The following SLC9A9 variants were observed in gnomAD, a reference collection of about 807,000 sequenced individuals.
SLC9A9 encodes sodium/hydrogen exchanger 9.
In SLC9A9, 62 loss-of-function variants were observed where a neutral mutation model predicts 77.8. The ratio of observed to expected loss-of-function variants is 0.80; its 90% CI spans 0.65 to 0.98. The LOEUF (loss-of-function observed/expected upper bound fraction) is 0.98, where lower values mean the gene tolerates loss of function less well. Among genes scored for constraint, SLC9A9 ranks in the 50% least tolerant of loss-of-function variants. SLC9A9 has a pLI of 0.00. For synonymous variants in SLC9A9, 320 were observed against 283.5 expected (o/e 1.13, Z -1.29); for missense variants, 775 against 774.9 (o/e 1.00, Z 0.00).
At chr3:143,389,972 T>C (rs1348361728) in intron 12 of SLC9A9, among the ~76,000 whole-genome samples, 1 of 152,212 alleles carries the variant, frequency 6.6e-6, no homozygotes, top group Non-Finnish European at 1.5e-5. Flanking sequence ...GGGATGCTGC[T>C]GAGAGCAGTG....
At chr3:143,484,813 G>A (rs1483758062) in intron 11 of SLC9A9, among the ~76,000 whole-genome samples, 5 of 152,186 alleles carry the variant, frequency 3.3e-5, no homozygotes, top group African/African-American at 4.8e-5. Flanking sequence ...AAGAGATTGT[G>A]AGCAAGATAC....
chr3:143,407,828 G>A (rs2034011183), intron 12 of SLC9A9, among the ~76,000 whole-genome samples: 1 of 152,184 alleles, frequency 6.6e-6, no homozygotes, highest in Non-Finnish European at 1.5e-5. Context: ...ATTACCTGAG[G>A]ATCTTGTTAG....
intron 11 of SLC9A9, among the ~76,000 whole-genome samples, chr3:143,487,005 T>C (rs1235165951): frequency 1.3e-5 from 2 of 152,014 alleles, no homozygotes; most frequent in African/African-American, 2.4e-5. Flanking sequence ...TGAAAACATA[T>C]GATCCAGCTA....
At chr3:143,756,795 G>A (rs930072928) in intron 4 of SLC9A9, among the ~76,000 whole-genome samples, 11 of 152,108 alleles carry the variant, frequency 7.2e-5, no homozygotes, top group Admixed American at 7.2e-4. Context: ...TTTGACAATA[G>A]GAAGTACACA....
At chr3:143,731,185 C>T (rs1022849179) in intron 4 of SLC9A9, among the ~76,000 whole-genome samples, 1 of 152,186 alleles carries the variant, frequency 6.6e-6, no homozygotes, top group Non-Finnish European at 1.5e-5. Context: ...GACCAGGTCT[C>T]ACCAATAGGG....
intron 11 of SLC9A9, among the ~76,000 whole-genome samples, chr3:143,480,055 A>G (rs765790415): frequency 4.6e-5 from 7 of 152,188 alleles, no homozygotes; most frequent in Non-Finnish European, 8.8e-5. Flanking sequence ...TAATATCCCC[A>G]TTTTACAGCC....
chr3:143,468,701 T>C (rs1471750585), intron 11 of SLC9A9, among the ~76,000 whole-genome samples: 2 of 152,234 alleles, frequency 1.3e-5, no homozygotes, highest in Non-Finnish European at 2.9e-5. Flanking sequence ...GAAAATTAAA[T>C]AATTAAATGA....
chr3:143,585,000 C>T (rs776641755), intron 6 of SLC9A9, among the ~76,000 whole-genome samples: 13 of 152,178 alleles, frequency 8.5e-5, no homozygotes, highest in Admixed American at 5.2e-4. Flanking sequence ...TCTTTATGGG[C>T]GTAACTGCTT....
chr3:143,495,189 C>T (rs1348765593), intron 10 of SLC9A9, 146 bp downstream of exon 10: 1 of 655,308 alleles, frequency 1.5e-6, no homozygotes, highest in East Asian at 2.8e-5. Context: ...TTTTCCTCCC[C>T]TAACTAGAAA....
intron 14 of SLC9A9, among the ~76,000 whole-genome samples, chr3:143,319,860 T>C (rs2031354369): frequency 6.6e-6 from 1 of 152,240 alleles, no homozygotes; most frequent in Non-Finnish European, 1.5e-5. Flanking sequence ...CTGGTGGGAC[T>C]AGGGGTAAAC....
chr3:143,554,655 C>T (rs1050548125), intron 8 of SLC9A9, among the ~76,000 whole-genome samples: 3 of 152,180 alleles, frequency 2.0e-5, no homozygotes, highest in African/African-American at 7.2e-5. Context: ...GTAATGGATT[C>T]CTGTGGCTTA....
intron 6 of SLC9A9, among the ~76,000 whole-genome samples, chr3:143,597,999 A>G (rs943946706): frequency 2.6e-4 from 39 of 152,288 alleles, no homozygotes; most frequent in African/African-American, 9.1e-4. Context: ...AGCTGTTGTC[A>G]ACAGCTCAAT....
intron 14 of SLC9A9, among the ~76,000 whole-genome samples, chr3:143,287,590 C>T (rs1938417579): frequency 6.6e-6 from 1 of 152,182 alleles, no homozygotes; most frequent in African/African-American, 2.4e-5. Flanking sequence ...TCTTTGCCCA[C>T]ACAATGAAGG....
chr3:143,753,246 A>G (rs1236021263), intron 4 of SLC9A9, among the ~76,000 whole-genome samples: 2 of 152,184 alleles, frequency 1.3e-5, no homozygotes, highest in Non-Finnish European at 2.9e-5. Flanking sequence ...CCTCCTTGAA[A>G]TTGGGATTTG....
intron 4 of SLC9A9, among the ~76,000 whole-genome samples, chr3:143,777,324 GCCTGACT>G (rs2007723588): frequency 6.6e-6 from 1 of 152,112 alleles, no homozygotes; most frequent in Non-Finnish European, 1.5e-5. Context: ...TCTCTCTTCT[GCCTGACT>G]CCAGTAAAAT....
chr3:143,268,955 A>G lies in SLC9A9; in HGVS notation c.1630T>C (p.Ser544Pro), dbSNP rs1328702597. Residue 544 changes from serine to proline, a missense_variant, in exon 15 of 16, where the codon TCT becomes CCT. Coordinates refer to ENST00000316549, the MANE Select transcript of SLC9A9 (RefSeq NM_173653.4). ...AATGTTGTAGTCAGCGGAGGACCAG[A>G]GTGGGTTAAAATTGGTTTCAGATAC... ...HKYLKPILTH[S>P]GPPLTTTLPE... 4.3e-6 allele frequency: 7 copies of G among 1,613,446 alleles called. No homozygotes were observed. Among genetic ancestry groups the G allele is most frequent in the South Asian group, 1.1e-5 (1 of 91,068 alleles).
At chr3:143,704,776 T>C (rs894567307) in intron 4 of SLC9A9, among the ~76,000 whole-genome samples, 3 of 152,008 alleles carry the variant, frequency 2.0e-5, no homozygotes, top group African/African-American at 7.3e-5. Context: ...GCAGATCACC[T>C]GAGGTTAGGG....
At chr3:143,365,410 G>T (rs1050684366) in intron 13 of SLC9A9, among the ~76,000 whole-genome samples, 4 of 152,050 alleles carry the variant, frequency 2.6e-5, no homozygotes, top group African/African-American at 9.7e-5. Context: ...ATGTATACTT[G>T]AACCTAAAAT....
chr3:143,286,966 C>T (rs1420033731), intron 14 of SLC9A9, among the ~76,000 whole-genome samples: 1 of 152,210 alleles, frequency 6.6e-6, no homozygotes, highest in Non-Finnish European at 1.5e-5. Context: ...GTCAGCAAAA[C>T]TCTCCATGTC....
Sources: gnomAD v4.1 joint callset for allele counts (sites outside exome capture counted in the v4.1 genomes callset) on GRCh38, gnomAD v4.1.1 for gene constraint, MANE v1.5 for transcripts, NCBI Gene and HGNC (gene_info 2026-07-23, HGNC 2026-07-21) for gene names.